PLD5: variants seen among roughly 807,000 people sequenced by gnomAD.
PLD5 encodes phospholipase D family member 5.
A neutral mutation model predicts 61.1 loss-of-function variants in PLD5; 36 were observed. The ratio of observed to expected loss-of-function variants is 0.59; its 90% confidence interval spans 0.45 to 0.78. The LOEUF (loss-of-function observed/expected upper bound fraction) is 0.78, where lower values mean the gene tolerates loss of function less well. Ranked by LOEUF, PLD5 falls within the 30% of genes least tolerant of loss-of-function variation. The pLI, the probability that PLD5 is intolerant of heterozygous loss-of-function variation, is 0.00. For missense variants in PLD5, 515 were observed against 644.4 expected (o/e 0.80, Z 2.17); for synonymous variants, 243 against 242.8 (o/e 1.00, Z -0.01).
intron 1 of PLD5, among the ~76,000 whole-genome samples, chr1:242,455,810 C>T (rs1666926409): frequency 6.6e-6 from 1 of 152,198 alleles, no homozygotes; most frequent in African/African-American, 2.4e-5. Flanking sequence ...GAAAAGAGAT[C>T]TGATCAACAG....
chr1:242,486,484 A>C (rs1667965290), intron 1 of PLD5, among the ~76,000 whole-genome samples: 1 of 152,204 alleles, frequency 6.6e-6, no homozygotes. Flanking sequence ...TGGCCATCAG[A>C]GAAATGCAAA....
chr1:242,509,202 C>T (rs1391093949), intron 1 of PLD5, among the ~76,000 whole-genome samples: 1 of 151,936 alleles, frequency 6.6e-6, no homozygotes, highest in Non-Finnish European at 1.5e-5. Flanking sequence ...CAAGGTGAAA[C>T]CCCATCTCTA....
rs564993392 is a variant in PLD5, at chr1:242,293,428, A to G, written c.327-4898T>C. ...TATTTTGGAGCGAGAGACCACGTTC[A>G]CATAACTTTTATTATAGTATACTGT... On this transcript the variant is annotated intron_variant, in intron 2 of 9. Transcript: ENST00000536534. Among the ~76,000 whole-genome samples, 5 of 152,364 alleles carry G rather than the reference A, an allele frequency of 3.3e-5. No individual in the cohort carries two copies. In the East Asian group the frequency reaches 7.7e-4, roughly 23 times the overall value.
At chr1:242,521,968 CA>C (rs5782242) in intron 1 of PLD5, among the ~76,000 whole-genome samples, 50,842 of 151,694 alleles carry the variant, frequency 0.34, 8,724 homozygotes, top group Admixed American at 0.39. Flanking sequence ...CTCTTGAATT[CA>C]AAAAAAATTT....
At chr1:242,427,629 G>A (rs767071325) in intron 1 of PLD5, among the ~76,000 whole-genome samples, 1 of 152,130 alleles carries the variant, frequency 6.6e-6, no homozygotes, top group Non-Finnish European at 1.5e-5. Flanking sequence ...CATCCCATAT[G>A]GAAAGCTAAT....
intron 1 of PLD5, among the ~76,000 whole-genome samples, chr1:242,491,974 A>G (rs1229161617): frequency 3.9e-5 from 6 of 152,240 alleles, no homozygotes; most frequent in Admixed American, 1.3e-4. Flanking sequence ...CACAGGCTTG[A>G]AATTCACAAT....
At chr1:242,380,324 G>T (rs182396195) in intron 1 of PLD5, among the ~76,000 whole-genome samples, 1 of 152,120 alleles carries the variant, frequency 6.6e-6, no homozygotes, top group Non-Finnish European at 1.5e-5. Flanking sequence ...CAACAACACC[G>T]CATAGCTATT....
intron 2 of PLD5, among the ~76,000 whole-genome samples, chr1:242,294,863 A>T (rs1199995419): frequency 6.6e-6 from 1 of 152,216 alleles, no homozygotes; most frequent in Non-Finnish European, 1.5e-5. Context: ...GCTTCTACAT[A>T]TACTGGCTAA....
At chr1:242,374,813 C>G (rs1661852711) in intron 1 of PLD5, among the ~76,000 whole-genome samples, 1 of 152,188 alleles carries the variant, frequency 6.6e-6, no homozygotes, top group South Asian at 2.1e-4. Flanking sequence ...CTTTGTTAAA[C>G]TTAAGCCCAA....
chr1:242,260,786 AT>A (rs1284010256), intron 4 of PLD5, among the ~76,000 whole-genome samples: 3 of 152,244 alleles, frequency 2.0e-5, no homozygotes, highest in Non-Finnish European at 4.4e-5. Flanking sequence ...TAAGGATTAC[AT>A]TTCTAAATAG....
intron 1 of PLD5, among the ~76,000 whole-genome samples, chr1:242,470,187 A>G (rs1174080500): frequency 6.6e-6 from 1 of 151,718 alleles, no homozygotes; most frequent in Non-Finnish European, 1.5e-5. Context: ...TAAAAATACA[A>G]AAAAAATTAG....
rs148087398 is a variant in PLD5, at chr1:242,388,181, C to T, written c.190-39939G>A. On this transcript the variant is annotated intron_variant, in intron 1 of 9. Transcript: ENST00000536534. ...TATTAGACAAAACCATTAACCTAGA[C>T]GATAGTGTGATTGCAGAAGGGGATG... Among the ~76,000 whole-genome samples the T allele has an allele frequency of 1.7e-3, 254 of 152,146 alleles. 2 individuals are homozygous for T. The highest frequency in any genetic ancestry group is 7.7e-3 in the East Asian group (40 of 5,180).
chr1:242,252,053 T>C (rs1672733168), intron 4 of PLD5, among the ~76,000 whole-genome samples: 1 of 152,162 alleles, frequency 6.6e-6, no homozygotes, highest in Non-Finnish European at 1.5e-5. Flanking sequence ...AGTGTGAGTA[T>C]AGCTGTGAGT....
At chr1:242,335,512 G>C (rs1306336993) in intron 2 of PLD5, among the ~76,000 whole-genome samples, 1 of 152,146 alleles carries the variant, frequency 6.6e-6, no homozygotes, top group Non-Finnish European at 1.5e-5. Flanking sequence ...GTCAAAATAC[G>C]ATAGTTGACT....
At position 242,441,773 on chromosome 1, in the gene PLD5, G is replaced by A. The variant is rs934498090; in HGVS notation, c.189+82315C>T. On this transcript the variant is annotated intron_variant, in intron 1 of 9. Coordinates refer to ENST00000536534, the MANE Select transcript of PLD5 (RefSeq NM_001372062.1). The stretch of plus-strand genomic sequence containing the variant: ...CCCACCTTCTGCGAGAGCCCAAGAG[G>A]TCTCACCATTGTACTTGGCAACTCT... Among the ~76,000 whole-genome samples, 11 of 152,128 alleles carry A rather than the reference G, an allele frequency of 7.2e-5. No individual in the cohort carries two copies. In the East Asian group the frequency reaches 1.9e-3, roughly 27 times the overall value.
At chr1:242,124,325 A>G (rs1662612424) in intron 6 of PLD5, 143 bp downstream of exon 6, 1 of 678,268 alleles carries the variant, frequency 1.5e-6, no homozygotes. Context: ...GTAAGGGTGG[A>G]CGCATTTTAA....
At chr1:242,121,204 C>T (rs1025520024) in intron 6 of PLD5, among the ~76,000 whole-genome samples, 1 of 152,166 alleles carries the variant, frequency 6.6e-6, no homozygotes, top group African/African-American at 2.4e-5. Flanking sequence ...ATCCAACATT[C>T]ATTGCTGCTT....
chr1:242,443,359 C>T (rs946150017), intron 1 of PLD5, among the ~76,000 whole-genome samples: 49 of 152,200 alleles, frequency 3.2e-4, no homozygotes, highest in African/African-American at 1.2e-3. Flanking sequence ...CAAATTTCTC[C>T]AAATAGATAT....
At chr1:242,121,834 C>T (rs1038290982) in intron 6 of PLD5, among the ~76,000 whole-genome samples, 4 of 151,522 alleles carry the variant, frequency 2.6e-5, no homozygotes, top group Non-Finnish European at 2.9e-5. Flanking sequence ...AGCAAACTAT[C>T]GCAAGGACAG....
Sources: allele counts gnomAD v4.1 joint callset (sites outside exome capture counted in the v4.1 genomes callset), GRCh38; gene constraint gnomAD v4.1.1; transcripts MANE v1.5; gene names NCBI Gene and HGNC (gene_info 2026-07-23, HGNC 2026-07-21).